KIF17: variants seen among roughly 807,000 people sequenced by gnomAD.
The protein encoded by KIF17 is kinesin-like protein KIF17.
A neutral mutation model predicts 96.8 loss-of-function variants in KIF17; 80 were observed. The observed-to-expected ratio is 0.83, with a 90% CI of 0.69 to 1.00. The LOEUF (loss-of-function observed/expected upper bound fraction) is 1.00, where lower values mean the gene tolerates loss of function less well. KIF17 is among the 50% of genes least tolerant of loss of function. KIF17 has a pLI of 0.00. For synonymous variants in KIF17, 567 were observed against 587.5 expected, an observed-to-expected ratio of 0.97 and a Z score of 0.51; for missense variants, 1,280 against 1,372.9, an observed-to-expected ratio of 0.93 and a Z score of 1.07.
chr1:20,713,336 G>T (rs778160418), intron 3 of KIF17, 118 bp downstream of exon 3: 120 of 578,114 alleles, frequency 2.1e-4, no homozygotes, highest in Non-Finnish European at 3.1e-4. Flanking sequence ...AAAAAGTCCC[G>T]ACTCTAGCCT....
intron 5 of KIF17, among the ~76,000 whole-genome samples, chr1:20,703,670 G>C (rs975620618): frequency 5.9e-5 from 9 of 152,040 alleles, no homozygotes; most frequent in South Asian, 2.1e-4. Context: ...ATGGGTGGAT[G>C]AGCGGGTAGG....
chr1:20,717,239 G>A (rs985352286), intron 1 of KIF17: 19 of 560,072 alleles, frequency 3.4e-5, no homozygotes, highest in African/African-American at 2.5e-4. Flanking sequence ...TGAGGCAGGA[G>A]AATCGCTTGA....
At position 20,690,187 on chromosome 1, in the gene KIF17, C is replaced by T. The variant is rs778165614; in HGVS notation, c.1381+1G>A. 28 of 1,613,994 alleles carry T rather than the reference C, an allele frequency of 1.7e-5. No homozygotes were observed. The highest frequency in any genetic ancestry group is 4.4e-5 in the South Asian group (4 of 91,086). ...AGCCTCGGGGGGCAAGGGGTGCCCA[C>T]CTGTCTCCTTCCGCAGGTTCTCCTC... On this transcript the variant is annotated splice_donor_variant, in intron 7 of 14. Coordinates refer to ENST00000400463, the MANE Select transcript of KIF17 (RefSeq NM_001122819.3). LOFTEE classifies it high-confidence loss of function.
chr1:20,673,166 A>T (rs1258915935), intron 11 of KIF17: 1 of 152,096 alleles, frequency 6.6e-6, no homozygotes, highest in Non-Finnish European at 1.5e-5. Context: ...GAAGGTGAAG[A>T]TCACACCAGT....
intron 5 of KIF17, among the ~76,000 whole-genome samples, chr1:20,701,159 C>A (rs146208505): frequency 5.9e-5 from 9 of 152,276 alleles, no homozygotes; most frequent in African/African-American, 1.4e-4. Context: ...CGAGGCCAGG[C>A]GAGGTGGCTC....
intron 5 of KIF17, among the ~76,000 whole-genome samples, chr1:20,698,982 C>T (rs1424450047): frequency 6.6e-6 from 1 of 152,112 alleles, no homozygotes; most frequent in Non-Finnish European, 1.5e-5. Flanking sequence ...CAGGGTCTTG[C>T]TCTGCCACCC....
At chr1:20,684,613 T>C (rs1171234026) in intron 10 of KIF17, among the ~76,000 whole-genome samples, 196 bp downstream of exon 10, 1 of 152,182 alleles carries the variant, frequency 6.6e-6, no homozygotes, top group Non-Finnish European at 1.5e-5. Context: ...TGACAAGGGA[T>C]GCTGGTGGCA....
chr1:20,687,456 C>A lies in KIF17; in HGVS notation c.1870G>T (p.Ala624Ser). 2.5e-6 allele frequency: 4 copies of A among 1,613,968 alleles called. No homozygotes were observed. Among genetic ancestry groups the A allele is most frequent in the Non-Finnish European group, 3.4e-6 (4 of 1,180,004 alleles). The change falls in exon 8 of 15, where the codon GCC (alanine) becomes TCC (serine). Residue 624 changes from alanine to serine, a missense_variant. Physicochemically the swap from Ala to Ser is moderately conservative, Grantham distance 99. Coordinates refer to ENST00000400463, the MANE Select transcript of KIF17 (RefSeq NM_001122819.3). This position sits in a 1 kb window ranked among gnomAD's most constrained non-coding sequence, Gnocchi z 4.4. ...DPFAEVEAKL[A>S]RLSSTVARTD... is the part of the protein sequence containing the mutation. Reference sequence around the variant, plus strand: ...CTGGCCACGGTGGAGGAGAGTCTGGCCAGCTTGGCTTCCACCTCGGCAAAC... The same window carrying A: ...CTGGCCACGGTGGAGGAGAGTCTGGACAGCTTGGCTTCCACCTCGGCAAAC...
chr1:20,703,338 T>A (rs114634703), intron 5 of KIF17, among the ~76,000 whole-genome samples: 2,098 of 151,862 alleles, frequency 0.014, 52 homozygotes, highest in African/African-American at 0.048. Flanking sequence ...GATGCATGGA[T>A]GGATGACAGA....
intron 2 of KIF17, among the ~76,000 whole-genome samples, chr1:20,715,014 T>C (rs2054552608): frequency 1.3e-5 from 2 of 152,196 alleles, no homozygotes; most frequent in Admixed American, 1.3e-4. Flanking sequence ...AATTCTCACC[T>C]GCAGCCTGGA....
chr1:20,670,553 G>T, intron 12 of KIF17, 65 bp from the exon 13 acceptor site: 5 of 1,487,040 alleles, frequency 3.4e-6, no homozygotes, highest in Non-Finnish European at 4.7e-6. Context: ...GAGGGCACAG[G>T]TGGAGGTGGG....
rs1386500234 is a variant in KIF17 at position 20,666,270 on chromosome 1, T to A, written c.2852A>T (p.Tyr951Phe). ...CTGGCTGGCCCGCTTAGATCGGAAG[T>A]AGTTGCTGGCAATGTTTTCACTGTT... is the stretch of plus-strand genomic sequence containing the variant. The part of the protein sequence containing the change: ...RSNSENIASN[Y>F]FRSKRASQIL... Residue 951 changes from tyrosine to phenylalanine, a missense_variant, in exon 14 of 15, where the codon TAC becomes TTC. Tyr to Phe is a conservative substitution (Grantham distance 22). Coordinates refer to ENST00000400463, the MANE Select transcript of KIF17 (RefSeq NM_001122819.3). 3.1e-6 allele frequency: 5 copies of A among 1,614,148 alleles called. No homozygotes were observed. The South Asian group carries it at 3.3e-5, about 11-fold the overall frequency.
intron 11 of KIF17, among the ~76,000 whole-genome samples, chr1:20,678,418 A>AAAAAT (rs1158441568): frequency 6.6e-6 from 1 of 152,154 alleles, no homozygotes; most frequent in Non-Finnish European, 1.5e-5. Flanking sequence ...AAAAAAATTT[A>AAAAAT]AAAATAAAAT....
Position 20,671,940 on chromosome 1 carries a change from A to C in KIF17, c.2720T>G (p.Val907Gly), listed in dbSNP as rs756083234. 88 of 1,613,258 alleles carry C rather than the reference A, an allele frequency of 5.5e-5. No homozygotes were observed. The highest frequency in any genetic ancestry group is 6.4e-5 in the Non-Finnish European group (75 of 1,179,988). The change falls in exon 12 of 15, where the codon GTA becomes GGA. Residue 907 changes from valine (V) to glycine (G), a missense_variant and splice_region_variant. Transcript: ENST00000400463. ...HPVITKTSLP[V>G]VSTGPQNKPA... ...CAAGGGCCAGCCAAGCTCCTGACCT[A>C]CTGGGAGGCTGGTTTTTGTGATGAC... is the stretch of plus-strand genomic sequence containing the variant.
chr1:20,717,415 G>C, intron 1 of KIF17, 61 bp downstream of exon 1: 1 of 1,584,726 alleles, frequency 6.3e-7, no homozygotes, highest in Non-Finnish European at 8.6e-7. Flanking sequence ...CAGCCCCCTG[G>C]GGACTCTCGG....
In KIF17 at chr1:20,699,653, A is replaced by AGCTTGCTAGACAGGAGGC. The variant is rs1280169281; in HGVS notation, c.1124-1183_1124-1166dup. Among the ~76,000 whole-genome samples the AGCTTGCTAGACAGGAGGC allele has an allele frequency of 6.7e-6, 1 of 150,042 alleles. No homozygotes were observed. The highest frequency in any genetic ancestry group is 1.9e-4 in the East Asian group (1 of 5,192). On this transcript the variant is annotated intron_variant, in intron 5 of 14. Transcript: ENST00000400463. The surrounding 1 kb of genome is among the most constrained non-coding windows in gnomAD (Gnocchi z 4.3). The stretch of plus-strand genomic sequence containing the variant: ...GCGAGGAGAGGGCGGGCACAGGAGG[A>AGCTTGCTAGACAGGAGGC]GCTTGCTAGACAGGAGGCGCTTGCT...
chr1:20,669,569 AAAAT>A, intron 13 of KIF17, among the ~76,000 whole-genome samples: 1 of 118,824 alleles, frequency 8.4e-6, no homozygotes, highest in African/African-American at 2.9e-5. Flanking sequence ...AATAATAAAT[AAAAT>A]AAAATAAAAT....
intron 2 of KIF17, among the ~76,000 whole-genome samples, chr1:20,714,503 AAAAC>A (rs1421793012): frequency 1.1e-4 from 17 of 151,224 alleles, no homozygotes; most frequent in African/African-American, 4.1e-4. Flanking sequence ...AACAAAAACA[AAAAC>A]AAACAAAGAA....
intron 14 of KIF17, among the ~76,000 whole-genome samples, chr1:20,665,394 ATTTT>A (rs33986427): frequency 2.5e-5 from 2 of 80,882 alleles, no homozygotes; most frequent in African/African-American, 5.2e-5. Flanking sequence ...TACCCAGCTA[ATTTT>A]TTTTTTTTTT....
Sources: allele counts gnomAD v4.1 joint callset (sites outside exome capture counted in the v4.1 genomes callset), GRCh38; gene constraint gnomAD v4.1.1; non-coding constraint Gnocchi (gnomAD v3.1); transcripts MANE v1.5; gene names NCBI Gene and HGNC (gene_info 2026-07-23, HGNC 2026-07-21).